NPFFR2: variants seen among roughly 807,000 people sequenced by gnomAD.
NPFFR2 encodes the protein G-protein coupled receptor 74.
NPFFR2 carries 15 observed loss-of-function variants against 13.1 expected under a neutral mutation model. The observed-to-expected ratio is 1.15, with a 90% CI of 0.77 to 1.76. The LOEUF (loss-of-function observed/expected upper bound fraction) is 1.76. NPFFR2 is among the 40% of genes most tolerant of loss of function. NPFFR2 has a pLI of 0.00. For synonymous variants in NPFFR2, 190 were observed against 175.7 expected, an observed-to-expected ratio of 1.08 and a Z score of -0.65; for missense variants, 572 against 503.5, an observed-to-expected ratio of 1.14 and a Z score of -1.30.
At chr4:72,068,991 TA>T in intron 1 of NPFFR2, 1 of 1,415,092 alleles carries the variant, frequency 7.1e-7, no homozygotes, top group Non-Finnish European at 9.4e-7. Context: ...AATGTCTTAA[TA>T]AGAGTGAAGC....
Position 72,052,964 on chromosome 4 carries a change from C to T in NPFFR2, c.-8+20764C>T, listed in dbSNP as rs143095382. 8.7e-3 allele frequency among the ~76,000 whole-genome samples: 1,325 copies of T among 151,946 alleles called. 21 individuals are homozygous for T. Among genetic ancestry groups the T allele is most frequent in the African/African-American group, 0.03 (1,224 of 41,490 alleles). On this transcript the variant is annotated intron_variant, in intron 1 of 3. Coordinates refer to ENST00000308744, the MANE Select transcript of NPFFR2 (RefSeq NM_004885.3). ...CTACCTATGACCTAGAACACCCCTACCCCTTGCTTCAAGTTGTCCTGCCTT... is the reference window on the plus strand; with the variant it reads ...CTACCTATGACCTAGAACACCCCTATCCCTTGCTTCAAGTTGTCCTGCCTT...
At chr4:72,108,281 G>T (rs1003455936) in intron 1 of NPFFR2, among the ~76,000 whole-genome samples, 1 of 151,942 alleles carries the variant, frequency 6.6e-6, no homozygotes, top group African/African-American at 2.4e-5. Context: ...GCCTATTAAA[G>T]AATTAAATAA....
chr4:72,042,571 T>A (rs7654029), intron 1 of NPFFR2, among the ~76,000 whole-genome samples: 2 of 152,044 alleles, frequency 1.3e-5, no homozygotes, highest in Non-Finnish European at 2.9e-5. Flanking sequence ...GATAGTGATA[T>A]GGACAATAAT....
chr4:72,085,160 T>C (rs1399504400), intron 1 of NPFFR2, among the ~76,000 whole-genome samples: 1 of 152,190 alleles, frequency 6.6e-6, no homozygotes, highest in African/African-American at 2.4e-5. Context: ...ATGTTAATAC[T>C]AGTTAGTACT....
At chr4:72,097,870 A>G (rs558947657) in intron 1 of NPFFR2, among the ~76,000 whole-genome samples, 1 of 152,308 alleles carries the variant, frequency 6.6e-6, no homozygotes, top group South Asian at 2.1e-4. Context: ...ATGAACTGCA[A>G]TATACCCTTC....
At chr4:72,036,083 A>C (rs1465748548) in intron 1 of NPFFR2, among the ~76,000 whole-genome samples, 1 of 152,236 alleles carries the variant, frequency 6.6e-6, no homozygotes, top group Non-Finnish European at 1.5e-5. Context: ...ATCTAAACTT[A>C]AGTGAGCTGC....
chr4:72,082,188 C>T (rs1431214795), intron 1 of NPFFR2, among the ~76,000 whole-genome samples: 1 of 152,084 alleles, frequency 6.6e-6, no homozygotes, highest in Non-Finnish European at 1.5e-5. Flanking sequence ...TGCATGTCTC[C>T]CAGATAATAC....
chr4:72,072,059 A>T (rs773265153), intron 1 of NPFFR2, among the ~76,000 whole-genome samples: 2 of 152,140 alleles, frequency 1.3e-5, no homozygotes, highest in African/African-American at 2.4e-5. Context: ...AGCCTACAAC[A>T]ATCAAGAAAC....
intron 1 of NPFFR2, among the ~76,000 whole-genome samples, chr4:72,055,501 T>C (rs868823650): frequency 2.0e-5 from 3 of 151,912 alleles, no homozygotes; most frequent in African/African-American, 7.2e-5. Context: ...CTTCCTATTA[T>C]ATGAGACAAA....
chr4:72,045,430 G>A (rs537101577), intron 1 of NPFFR2, among the ~76,000 whole-genome samples: 1 of 152,132 alleles, frequency 6.6e-6, no homozygotes, highest in South Asian at 2.1e-4. Context: ...GGTTACTATA[G>A]CCTTATAATA....
chr4:72,114,736 A>T (rs1469083686), intron 1 of NPFFR2, among the ~76,000 whole-genome samples: 2 of 152,164 alleles, frequency 1.3e-5, no homozygotes, highest in African/African-American at 4.8e-5. Context: ...TTTGCTTTTG[A>T]CATGAACAAC....
intron 1 of NPFFR2, among the ~76,000 whole-genome samples, chr4:72,044,222 T>C (rs1719315313): frequency 6.6e-6 from 1 of 152,190 alleles, no homozygotes; most frequent in African/African-American, 2.4e-5. Context: ...CTTTCCTTTA[T>C]AAATTACCCA....
chr4:72,128,486 C>A, intron 1 of NPFFR2, 99 bp from the exon 2 acceptor site: 1 of 677,958 alleles, frequency 1.5e-6, no homozygotes, highest in Non-Finnish European at 2.5e-6. Flanking sequence ...CACAAAAATT[C>A]CATGGCATTT....
intron 1 of NPFFR2, among the ~76,000 whole-genome samples, chr4:72,116,385 G>C (rs1168199335): frequency 6.6e-6 from 1 of 151,628 alleles, no homozygotes; most frequent in Admixed American, 6.6e-5. Flanking sequence ...TGGATATAAA[G>C]ATGGGGACAA....
chr4:72,073,712 T>A (rs1160819708), intron 1 of NPFFR2, among the ~76,000 whole-genome samples: 1 of 152,026 alleles, frequency 6.6e-6, no homozygotes, highest in African/African-American at 2.4e-5. Context: ...TGTGTAAAGA[T>A]ATAATTTTAT....
chr4:72,119,062 T>C (rs956186469), intron 1 of NPFFR2, among the ~76,000 whole-genome samples: 14 of 151,954 alleles, frequency 9.2e-5, no homozygotes, highest in South Asian at 4.2e-4. Flanking sequence ...AAAAAAATAA[T>C]CGGTAGAAAA....
intron 1 of NPFFR2, among the ~76,000 whole-genome samples, chr4:72,066,271 A>C (rs540844875): frequency 1.3e-5 from 2 of 152,162 alleles, no homozygotes; most frequent in South Asian, 4.2e-4. Context: ...TTTTAATTCC[A>C]CTAATGAAGA....
At chr4:72,121,181 C>A (rs570108034) in intron 1 of NPFFR2, among the ~76,000 whole-genome samples, 1 of 151,738 alleles carries the variant, frequency 6.6e-6, no homozygotes. Context: ...TGAAATAAAG[C>A]GTGAAGACAA....
At chr4:72,107,901 AT>A (rs1200359169) in intron 1 of NPFFR2, among the ~76,000 whole-genome samples, 1 of 152,052 alleles carries the variant, frequency 6.6e-6, no homozygotes, top group Non-Finnish European at 1.5e-5. Context: ...TGTGAAAGTT[AT>A]TTTTATGCAT....
Sources: gnomAD v4.1 joint callset for allele counts (sites outside exome capture counted in the v4.1 genomes callset) on GRCh38, gnomAD v4.1.1 for gene constraint, MANE v1.5 for transcripts, NCBI Gene and HGNC (gene_info 2026-07-23, HGNC 2026-07-21) for gene names.